Variants in FAM118A observed in about 807,000 individuals in gnomAD.
FAM118A encodes the protein SIR2 antiphage like 2.
FAM118A carries 25 observed loss-of-function variants against 38.2 expected under a neutral mutation model. The ratio of observed to expected loss-of-function variants is 0.65; its 90% CI spans 0.48 to 0.91. FAM118A has a LOEUF of 0.91. Among genes scored for constraint, FAM118A ranks in the 40% least tolerant of loss-of-function variants. The pLI is 0.00. For missense variants in FAM118A, 425 were observed against 463.3 expected (o/e 0.92, Z 0.76); for synonymous variants, 178 against 184.1 (o/e 0.97, Z 0.27).
At chr22:45,309,660 G>C (rs1182406329), upstream of FAM118A, 1 of 152,298 alleles carries the variant, frequency 6.6e-6, no homozygotes, top group African/African-American at 2.4e-5. Context: ...GGTAGGGCTA[G>C]GACGCGGACT....
intron 3 of FAM118A, among the ~76,000 whole-genome samples, chr22:45,324,483 C>T (rs2085115245): frequency 1.3e-5 from 2 of 152,212 alleles, no homozygotes; most frequent in Non-Finnish European, 2.9e-5. Flanking sequence ...TCTCATTGGC[C>T]AGAGTTTTAG....
chr22:45,333,264 G>A (rs994148327), intron 6 of FAM118A, among the ~76,000 whole-genome samples: 6 of 152,150 alleles, frequency 3.9e-5, no homozygotes, highest in Admixed American at 6.5e-5. Context: ...CGTGGCTCAC[G>A]CCTGTCATCC....
At chr22:45,334,824 C>G (rs913894718) in intron 6 of FAM118A, among the ~76,000 whole-genome samples, 5 of 152,134 alleles carry the variant, frequency 3.3e-5, no homozygotes, top group Non-Finnish European at 7.3e-5. Context: ...TCATCTCTGC[C>G]CCCGTCCGCC....
At chr22:45,320,804 C>G (rs1483352442) in intron 1 of FAM118A, among the ~76,000 whole-genome samples, 1 of 152,190 alleles carries the variant, frequency 6.6e-6, no homozygotes, top group Non-Finnish European at 1.5e-5. Context: ...CTGCTGACCA[C>G]TTTTCTGGAA....
Position 45,323,361 on chromosome 22 carries a change from G to T in FAM118A, c.234G>T (p.Arg78=), listed in dbSNP as rs146871957. Residue 78 remains arginine (R), a synonymous_variant, in exon 3 of 9, where the codon CGG becomes CGT. Transcript: ENST00000441876. ...ACCCCGGAGACGTCGCCGAGTTCCG[G>T]AGGAAAGTGACAAAGGACCGGGACC... is the stretch of plus-strand genomic sequence containing the variant. ...VLHPGDVAEF[R]RKVTKDRDLL... is the part of the protein sequence containing the mutation. 478 of 1,614,098 alleles carry T rather than the reference G, an allele frequency of 3.0e-4. No individual in the cohort carries two copies. Among genetic ancestry groups the T allele is most frequent in the Middle Eastern group, 1.5e-3 (9 of 6,084 alleles).
At chr22:45,328,440 C>A in intron 4 of FAM118A, 1 of 960,404 alleles carries the variant, frequency 1.0e-6, no homozygotes. Context: ...AGTTCTGTGC[C>A]CTGGGAGCTG....
At chr22:45,334,986 A>G (rs1021176994) in intron 6 of FAM118A, 2 of 230,350 alleles carry the variant, frequency 8.7e-6, no homozygotes, top group Non-Finnish European at 1.7e-5. Flanking sequence ...ACAGGCTGCC[A>G]GAAGACTGCA....
In FAM118A at chr22:45,340,743, A is replaced by G; in HGVS notation, c.*338A>G. 2.5e-6 allele frequency: 1 copy of G among 398,568 alleles called. No individual in the cohort carries two copies. The highest frequency in any genetic ancestry group is 4.3e-5 in the East Asian group (1 of 23,174). 24.7% of individuals were successfully genotyped at this position (398,568 alleles called of 1,614,324 possible). On this transcript the variant is annotated 3_prime_UTR_variant, in exon 9 of 9. Transcript: ENST00000441876. ...TTGTCAAGGTGGTATTTTTCGTAATAAAAGGGGAAGAGTAAAGACTGTCCA... is the reference window on the plus strand; with the variant it reads ...TTGTCAAGGTGGTATTTTTCGTAATGAAAGGGGAAGAGTAAAGACTGTCCA...
Position 45,327,082 on chromosome 22 carries a change from A to G in FAM118A, c.301-760A>G, listed in dbSNP as rs112109620. ...AAAAATTAAATTAAAAAAATTTTTA[A>G]AAAATATAATGAGTTGGGTGTGGTG... On this transcript the variant is annotated intron_variant, in intron 3 of 8. Coordinates refer to ENST00000441876, the MANE Select transcript of FAM118A (RefSeq NM_017911.4). Among the ~76,000 whole-genome samples the G allele has an allele frequency of 4.0e-3, 605 of 151,504 alleles. 5 individuals are homozygous for G. The highest frequency in any genetic ancestry group is 0.014 in the African/African-American group (576 of 41,428).
intron 4 of FAM118A, among the ~76,000 whole-genome samples, chr22:45,330,086 TATAAC>T (rs1329544525): frequency 6.6e-6 from 1 of 152,252 alleles, no homozygotes; most frequent in Non-Finnish European, 1.5e-5. Flanking sequence ...GTAATTAAAA[TATAAC>T]ATATAACTTA....
chr22:45,315,811 TGC>T (rs1196328980), intron 1 of FAM118A, among the ~76,000 whole-genome samples: 1 of 152,206 alleles, frequency 6.6e-6, no homozygotes, highest in African/African-American at 2.4e-5. Flanking sequence ...CTGTGTTTTC[TGC>T]ACCTTAGTCC....
intron 5 of FAM118A, among the ~76,000 whole-genome samples, chr22:45,332,189 C>T (rs1294741737): frequency 2.0e-5 from 3 of 152,186 alleles, no homozygotes; most frequent in Non-Finnish European, 4.4e-5. Context: ...CCTGGCTTAG[C>T]TGGGGACAGG....
chr22:45,328,719 G>A (rs946166473), intron 4 of FAM118A: 14 of 532,424 alleles, frequency 2.6e-5, no homozygotes, highest in African/African-American at 2.1e-4. Flanking sequence ...GAGGGAGATG[G>A]TTGCAGTGAG....
intron 1 of FAM118A, among the ~76,000 whole-genome samples, chr22:45,319,806 G>T (rs1167648100): frequency 1.3e-5 from 2 of 152,158 alleles, no homozygotes; most frequent in African/African-American, 4.8e-5. Context: ...CTCCTCAATG[G>T]GAAGAAGGAT....
intron 4 of FAM118A, chr22:45,328,674 T>A: frequency 1.8e-6 from 1 of 570,484 alleles, no homozygotes; most frequent in Non-Finnish European, 3.1e-6. Flanking sequence ...CACTGGCAAC[T>A]TGGGAGGCTG....
upstream of FAM118A, chr22:45,309,886 G>C (rs528207269): frequency 7.9e-5 from 12 of 152,310 alleles, no homozygotes; most frequent in South Asian, 2.0e-4. Context: ...CGTTGGTTTC[G>C]GGACGGAACG....
At chr22:45,316,819 G>A (rs577901719) in intron 1 of FAM118A, among the ~76,000 whole-genome samples, 1 of 152,304 alleles carries the variant, frequency 6.6e-6, no homozygotes, top group South Asian at 2.1e-4. Flanking sequence ...CTCCTTTGTA[G>A]TCACAGTGAC....
intron 8 of FAM118A, among the ~76,000 whole-genome samples, chr22:45,338,231 CT>C (rs950918466): frequency 8.5e-6 from 1 of 117,304 alleles, no homozygotes. Flanking sequence ...TCTCTGATGT[CT>C]TTTTTTTTAT....
At chr22:45,316,142 C>A (rs1045925934) in intron 1 of FAM118A, among the ~76,000 whole-genome samples, 1 of 152,176 alleles carries the variant, frequency 6.6e-6, no homozygotes, top group Non-Finnish European at 1.5e-5. Context: ...CGGGTTCAAG[C>A]GATTCTCCTG....
Sources: gnomAD v4.1 joint callset for allele counts (sites outside exome capture counted in the v4.1 genomes callset) on GRCh38, gnomAD v4.1.1 for gene constraint, MANE v1.5 for transcripts, NCBI Gene and HGNC (gene_info 2026-07-23, HGNC 2026-07-21) for gene names.